The following ARRDC2 variants were observed in gnomAD, a reference collection of about 807,000 sequenced individuals.
ARRDC2 encodes arrestin domain-containing protein 2.
Under a neutral mutation model 38.9 loss-of-function variants are expected in ARRDC2, and 39 were observed. That is an observed-to-expected ratio of 1.00 (90% CI 0.78 to 1.31). The LOEUF (loss-of-function observed/expected upper bound fraction) is 1.31, where lower values mean the gene tolerates loss of function less well. ARRDC2 is among the 50% of genes most tolerant of loss of function. ARRDC2 has a pLI of 0.00. For synonymous variants in ARRDC2, 300 were observed against 261.9 expected, an observed-to-expected ratio of 1.15 and a Z score of -1.41; for missense variants, 553 against 588.4, an observed-to-expected ratio of 0.94 and a Z score of 0.62.
chr19:18,006,220 G>C (rs1313946697), upstream of ARRDC2, among the ~76,000 whole-genome samples: 3 of 152,022 alleles, frequency 2.0e-5, no homozygotes, highest in African/African-American at 4.8e-5. Context: ...CTTCCCAGAC[G>C]GGGTGGCGGC....
At position 18,010,746 on chromosome 19, in the gene ARRDC2, G is replaced by A. The variant is rs2033396082; in HGVS notation, c.1170+17G>A. On this transcript the variant is annotated intron_variant, in intron 7 of 7. Transcript: ENST00000222250. ...TACTCTGAGGTGAGCTCAGGGGTCT[G>A]AGAACCACCCATGCCTCTCTGGGCC... The A allele has an allele frequency of 1.2e-6, 2 of 1,612,010 alleles. No homozygotes were observed. Among genetic ancestry groups the A allele is most frequent in the African/African-American group, 2.7e-5 (2 of 74,868 alleles).
intron 1 of ARRDC2, chr19:18,001,631 C>G: frequency 7.8e-7 from 1 of 1,278,496 alleles, no homozygotes; most frequent in Non-Finnish European, 9.9e-7. Flanking sequence ...CCGCGACCCT[C>G]TTCAGGGCCG....
chr19:18,009,286 C>T (rs917130887), intron 3 of ARRDC2, 168 bp downstream of exon 3: 7 of 822,936 alleles, frequency 8.5e-6, no homozygotes, highest in Middle Eastern at 3.6e-4. Context: ...ACCCATTTGC[C>T]GTGTGACTCT....
In ARRDC2 at chr19:18,010,617, C is replaced by A; in HGVS notation, c.1058C>A (p.Ala353Asp). Residue 353 changes from alanine (A) to aspartate (D), a missense_variant, in exon 7 of 8, where the codon GCC becomes GAC. Transcript: ENST00000222250. ...SEVVADTEEA[A>D]LGQSPFPLPQ... ...GTGGTAGCCGACACTGAGGAGGCAG[C>A]CTTGGGGCAGAGCCCCTTCCCGCTT... is the stretch of plus-strand genomic sequence containing the variant. 1 of 1,613,846 alleles carries A rather than the reference C, an allele frequency of 6.2e-7. No individual in the cohort carries two copies. The highest frequency in any genetic ancestry group is 8.5e-7 in the Non-Finnish European group (1 of 1,179,980).
At position 18,009,936 on chromosome 19, in the gene ARRDC2, GC is replaced by G; in HGVS notation, c.750del (p.Gln252SerfsTer50). ...GCCAGCCTCGCGGGCGAGCCGGTGG[GC>G]CCCGGGCAGCGGGCGCTGTGGCAGG... ...VVASLAGEPV[G>X]PGQRALWQGR... On this transcript the variant is annotated frameshift_variant, in exon 5 of 8. Coordinates refer to ENST00000222250, the MANE Select transcript of ARRDC2 (RefSeq NM_015683.2). LOFTEE classifies it high-confidence loss of function. 1 of 1,605,962 alleles carries G rather than the reference GC, an allele frequency of 6.2e-7. No homozygotes were observed.
At chr19:18,010,955 C>T (rs772534607) in intron 7 of ARRDC2, among the ~76,000 whole-genome samples, 10 of 152,126 alleles carry the variant, frequency 6.6e-5, no homozygotes, top group Non-Finnish European at 1.5e-4. Flanking sequence ...GCTGGGACTA[C>T]AGGCACACGC....
chr19:18,004,245 CTTTTTTTTTT>C (rs34248029), upstream of ARRDC2, among the ~76,000 whole-genome samples: 1 of 114,782 alleles, frequency 8.7e-6, no homozygotes, highest in African/African-American at 3.4e-5. Context: ...GCCGGGCTAA[CTTTTTTTTTT>C]TTTTTTTTTT....
Position 18,008,182 on chromosome 19 carries a change from C to T in ARRDC2, c.-129C>T. The T allele has an allele frequency of 1.4e-6, 2 of 1,407,882 alleles. No homozygotes were observed. Among genetic ancestry groups the T allele is most frequent in the Non-Finnish European group, 9.2e-7 (1 of 1,086,452 alleles). The allele number at this position is 1,407,882 out of a possible 1,614,324, so 87.2% of individuals were successfully genotyped here. ...CGCACGGCGCGGGGATTTTCTGCTC[C>T]GGTTGGTGAGCGCGCCTGCGCGTTG... On this transcript the variant is annotated 5_prime_UTR_variant, in exon 1 of 8. Transcript: ENST00000222250.
Position 18,013,086 on chromosome 19 carries a change from C to T in ARRDC2, c.*120C>T, listed in dbSNP as rs1448522817. ...CTGCATCAAAGTTGGGGAACCAAGTCTCAGAGTGAGGCGGGGGCCTTTCGG... is the reference window on the plus strand; with the variant it reads ...CTGCATCAAAGTTGGGGAACCAAGTTTCAGAGTGAGGCGGGGGCCTTTCGG... On this transcript the variant is annotated 3_prime_UTR_variant, in exon 8 of 8. Coordinates refer to ENST00000222250, the MANE Select transcript of ARRDC2 (RefSeq NM_015683.2). The T allele has an allele frequency of 1.8e-6, 2 of 1,095,218 alleles. No homozygotes were observed. The highest frequency in any genetic ancestry group is 2.7e-6 in the Non-Finnish European group (2 of 752,650). 67.8% of individuals were successfully genotyped at this position (1,095,218 alleles called of 1,614,324 possible). A position where few individuals can be genotyped will look rare whatever the true frequency, so the allele number is the denominator to read the frequency against.
In ARRDC2 at chr19:18,008,203, C is replaced by T. The variant is rs1207227950; in HGVS notation, c.-108C>T. 5.4e-6 allele frequency: 8 copies of T among 1,475,984 alleles called. No homozygotes were observed. The highest frequency in any genetic ancestry group is 2.7e-6 in the Non-Finnish European group (3 of 1,122,598). The allele number at this position is 1,475,984 out of a possible 1,614,324, so 91.4% of individuals were successfully genotyped here. A position where few individuals can be genotyped will look rare whatever the true frequency, so the allele number is the denominator to read the frequency against. The stretch of plus-strand genomic sequence containing the variant: ...GCTCCGGTTGGTGAGCGCGCCTGCG[C>T]GTTGACGGCGATTTTGCGTTCTGAG... On this transcript the variant is annotated 5_prime_UTR_variant, in exon 1 of 8. Transcript: ENST00000222250.
Position 18,009,792 on chromosome 19 carries a change from T to C in ARRDC2, c.602T>C (p.Ile201Thr). ...DRKGYTPGEV[I>T]PVFAEIDNGS... ...CTGCTCCTTGCTGCAGGAGAGGTCA[T>C]CCCTGTCTTTGCCGAGATCGACAAC... is the stretch of plus-strand genomic sequence containing the variant. Residue 201 changes from isoleucine to threonine, a missense_variant, in exon 5 of 8, where the codon ATC (isoleucine) becomes ACC (threonine). Physicochemically the swap from Ile to Thr is moderately conservative, Grantham distance 89 (BLOSUM62 -1). Coordinates refer to ENST00000222250, the MANE Select transcript of ARRDC2 (RefSeq NM_015683.2). 3 of 1,612,794 alleles carry C rather than the reference T, an allele frequency of 1.9e-6. No homozygotes were observed. Among genetic ancestry groups the C allele is most frequent in the Non-Finnish European group, 2.5e-6 (3 of 1,179,866 alleles).
chr19:18,011,947 TA>T (rs1455835237), intron 7 of ARRDC2, among the ~76,000 whole-genome samples: 37 of 53,344 alleles, frequency 6.9e-4, no homozygotes, highest in Middle Eastern at 0.011. Flanking sequence ...TATATATATA[TA>T]TATATTTTTT....
At chr19:18,008,054 A>C, upstream of ARRDC2, 15 of 1,065,180 alleles carry the variant, frequency 1.4e-5, no homozygotes, top group East Asian at 6.8e-5. Flanking sequence ...ACGCCTGGGC[A>C]GAGCCACGCC....
At chr19:18,002,288 A>T (rs147312604) in intron 1 of ARRDC2, among the ~76,000 whole-genome samples, 5 of 152,308 alleles carry the variant, frequency 3.3e-5, no homozygotes, top group Non-Finnish European at 7.4e-5. Context: ...TGCATCCCAG[A>T]GGGGAAGAGA....
chr19:18,006,629 C>G (rs1051415826), upstream of ARRDC2, among the ~76,000 whole-genome samples: 1 of 149,996 alleles, frequency 6.7e-6, no homozygotes. Flanking sequence ...GAGAGGGAGA[C>G]CAAGGGGAGA....
In ARRDC2 at chr19:18,010,688, A is replaced by T; in HGVS notation, c.1129A>T (p.Ile377Phe). 6.2e-7 allele frequency: 1 copy of T among 1,613,748 alleles called. No homozygotes were observed. The change falls in exon 7 of 8, where the codon ATC becomes TTC. Residue 377 changes from isoleucine to phenylalanine, a missense_variant. Transcript: ENST00000222250. ...MSLEGPFFAY[I>F]QEFRYRPPPL... ...CCTTGAAGGCCCGTTCTTCGCCTAC[A>T]TCCAAGAGTTCCGCTACCGCCCGCC...
intron 4 of ARRDC2, 44 bp from the exon 5 acceptor site, chr19:18,009,739 G>T: frequency 6.2e-7 from 1 of 1,612,820 alleles, no homozygotes; most frequent in South Asian, 1.1e-5. Flanking sequence ...CTGGTGTTGG[G>T]GTTGCAGGAG....
Position 18,010,580 on chromosome 19 carries a change from G to A in ARRDC2, c.1021G>A (p.Glu341Lys). 6.2e-7 allele frequency: 1 copy of A among 1,613,608 alleles called. No homozygotes were observed. Among genetic ancestry groups the A allele is most frequent in the Non-Finnish European group, 8.5e-7 (1 of 1,179,986 alleles). Residue 341 changes from glutamate (E) to lysine (K), a missense_variant, in exon 7 of 8, where the codon GAG (glutamate) becomes AAG (lysine). Physicochemically the swap from Glu to Lys is moderately conservative, Grantham distance 56. This residue lies in a region of ARRDC2 where 100 missense variants were observed against 107.6 expected (regional missense o/e 0.93). Coordinates refer to ENST00000222250, the MANE Select transcript of ARRDC2 (RefSeq NM_015683.2). ...ALPERPEAPP[E>K]YSEVVADTEE... ...CTGTCTCTCGCTTCCAGCTCCTCCT[G>A]AGTACTCGGAGGTGGTAGCCGACAC...
chr19:18,010,166 G>A (rs1568468089), intron 5 of ARRDC2, 30 bp from the exon 6 acceptor site: 3 of 1,607,910 alleles, frequency 1.9e-6, no homozygotes, highest in Non-Finnish European at 2.6e-6. Context: ...AGGCTGCCTG[G>A]GCACCCTCCC....
Sources: allele counts gnomAD v4.1 joint callset (sites outside exome capture counted in the v4.1 genomes callset), GRCh38; gene constraint gnomAD v4.1.1; regional missense constraint gnomAD v4.1.1; transcripts MANE v1.5; gene names NCBI Gene and HGNC (gene_info 2026-07-23, HGNC 2026-07-21).